The following CDC6 variants were observed in gnomAD, a reference collection of about 807,000 sequenced individuals.
CDC6 encodes the protein cell division cycle 6.
In CDC6, 46 loss-of-function variants were observed where a neutral mutation model predicts 60.2. The observed-to-expected ratio is 0.76, with a 90% CI of 0.60 to 0.98. The LOEUF (loss-of-function observed/expected upper bound fraction) is 0.98. Ranked by LOEUF, CDC6 falls within the 50% of genes least tolerant of loss-of-function variation. The pLI, the probability that CDC6 is intolerant of heterozygous loss-of-function variation, is 0.00. For missense variants in CDC6, 596 were observed against 652.9 expected, an observed-to-expected ratio of 0.91 and a Z score of 0.95; for synonymous variants, 210 against 233.2, an observed-to-expected ratio of 0.90 and a Z score of 0.90.
At chr17:40,295,971 A>G (rs1021533149) in intron 8 of CDC6, among the ~76,000 whole-genome samples, 1 of 152,040 alleles carries the variant, frequency 6.6e-6, no homozygotes, top group African/African-American at 2.4e-5. Context: ...CCTTCCCAGT[A>G]GGGACACTGG....
At chr17:40,289,376 G>T in intron 1 of CDC6, 32 bp from the exon 2 acceptor site, 3 of 1,516,660 alleles carry the variant, frequency 2.0e-6, no homozygotes, top group South Asian at 2.3e-5. Context: ...TTCACATATT[G>T]ACTAGTTGTC....
chr17:40,294,298 CAGA>C (rs1451211861), intron 6 of CDC6, 63 bp from the exon 7 acceptor site: 7 of 1,314,790 alleles, frequency 5.3e-6, no homozygotes, highest in Admixed American at 5.1e-5. Flanking sequence ...ATTTAGCTTT[CAGA>C]AGATTTAGTT....
intron 1 of CDC6, among the ~76,000 whole-genome samples, chr17:40,288,471 T>C (rs1222492460): frequency 6.6e-6 from 1 of 151,946 alleles, no homozygotes; most frequent in African/African-American, 2.4e-5. Flanking sequence ...CAGGCTGTAG[T>C]GCAGTGGTGC....
Position 40,303,540 on chromosome 17 carries a change from CAG to C in CDC6, c.*1546_*1547del, listed in dbSNP as rs1397210956. ...TGGTATGGGATAGAGGCAAGGAAAG[CAG>C]AGAGAGCCCTCTGAAATGAACACTA... On this transcript the variant is annotated 3_prime_UTR_variant, in exon 12 of 12. Coordinates refer to ENST00000209728, the MANE Select transcript of CDC6 (RefSeq NM_001254.4). The C allele has an allele frequency of 6.6e-6, 1 of 152,208 alleles. No homozygotes were observed. Among genetic ancestry groups the C allele is most frequent in the Non-Finnish European group, 1.5e-5 (1 of 68,062 alleles). The allele number at this position is 152,208 out of a possible 1,614,324, so 9.4% of individuals were successfully genotyped here. A position where few individuals can be genotyped will look rare whatever the true frequency, so the allele number is the denominator to read the frequency against.
chr17:40,301,516 G>A lies in CDC6; in HGVS notation c.1501G>A (p.Val501Met). The stretch of plus-strand genomic sequence containing the variant: ...CTGTCGCAAACAGCAGGTGGCGGCT[G>A]TGGACCAGTCAGAGTGTTTGTCACT... ...KVCRKQQVAA[V>M]DQSECLSLSG... is the part of the protein sequence containing the mutation. Residue 501 changes from valine to methionine, a missense_variant, in exon 11 of 12, where the codon GTG (valine) becomes ATG (methionine). Transcript: ENST00000209728. The A allele has an allele frequency of 6.2e-7, 1 of 1,613,932 alleles. No individual in the cohort carries two copies. Among genetic ancestry groups the A allele is most frequent in the Non-Finnish European group, 8.5e-7 (1 of 1,179,774 alleles).
chr17:40,295,970 T>C (rs2032853829), intron 8 of CDC6, among the ~76,000 whole-genome samples: 1 of 152,050 alleles, frequency 6.6e-6, no homozygotes, highest in African/African-American at 2.4e-5. Context: ...TCCTTCCCAG[T>C]AGGGACACTG....
intron 4 of CDC6, among the ~76,000 whole-genome samples, chr17:40,292,860 G>A (rs1196586510): frequency 2.0e-5 from 3 of 151,776 alleles, no homozygotes; most frequent in African/African-American, 7.3e-5. Context: ...GAACCCACAG[G>A]TGGAGCTTGC....
chr17:40,293,585 A>G lies in CDC6; in HGVS notation c.790A>G (p.Met264Val), dbSNP rs587780298. 1.1e-5 allele frequency: 17 copies of G among 1,613,804 alleles called. No homozygotes were observed. The Admixed American group carries it at 2.2e-4, about 21-fold the overall frequency. The change falls in exon 5 of 12, where the codon ATG (methionine) becomes GTG (valine). Residue 264 changes from methionine to valine, a missense_variant. Coordinates refer to ENST00000209728, the MANE Select transcript of CDC6 (RefSeq NM_001254.4). ...EVSRPAGKDMMRKLEKHMTAE... is the reference protein window; with the variant it reads ...EVSRPAGKDMVRKLEKHMTAE... The stretch of plus-strand genomic sequence containing the variant: ...ATCCAGGCCAGCTGGGAAGGACATG[A>G]TGAGGAAATTGGAAAAACATATGAC...
At chr17:40,296,678 T>C (rs750451278) in intron 8 of CDC6, 25 bp from the exon 9 acceptor site, 14 of 1,456,176 alleles carry the variant, frequency 9.6e-6, no homozygotes, top group Non-Finnish European at 1.4e-5. Context: ...TCAGACTAAA[T>C]TAATTTTAGA....
At chr17:40,292,966 C>T (rs2032790252) in intron 4 of CDC6, among the ~76,000 whole-genome samples, 1 of 150,758 alleles carries the variant, frequency 6.6e-6, no homozygotes, top group Admixed American at 6.6e-5. Flanking sequence ...AGGCCTGGTG[C>T]GGTGGCTCAC....
rs2032965889 is a variant in CDC6 at position 40,303,522 on chromosome 17, G to C, written c.*1521G>C. The C allele has an allele frequency of 6.6e-6, 1 of 152,240 alleles. No homozygotes were observed. The highest frequency in any genetic ancestry group is 1.5e-5 in the Non-Finnish European group (1 of 68,070). The allele number at this position is 152,240 out of a possible 1,614,324, so 9.4% of individuals were successfully genotyped here. On this transcript the variant is annotated 3_prime_UTR_variant, in exon 12 of 12. Coordinates refer to ENST00000209728, the MANE Select transcript of CDC6 (RefSeq NM_001254.4). ...GATCTGAGCTACAACAGGTGGTATG[G>C]GATAGAGGCAAGGAAAGCAGAGAGA...
rs758396746 is a variant in CDC6, at chr17:40,295,499, A to G, written c.1184+43A>G. On this transcript the variant is annotated intron_variant, in intron 8 of 11. Coordinates refer to ENST00000209728, the MANE Select transcript of CDC6 (RefSeq NM_001254.4). Reference sequence around the variant, plus strand: ...TGCATTCTTTTATTAAAAAAAAAAAAAAAGAAATGCTGTTAATTGTCTCAT... The same window carrying G: ...TGCATTCTTTTATTAAAAAAAAAAAGAAAGAAATGCTGTTAATTGTCTCAT... 8.4e-6 allele frequency: 11 copies of G among 1,314,462 alleles called. No individual in the cohort carries two copies. The South Asian group carries it at 1.2e-4, about 14-fold the overall frequency. The allele number at this position is 1,314,462 out of a possible 1,614,324, so 81.4% of individuals were successfully genotyped here.
Position 40,291,578 on chromosome 17 carries a change from C to G in CDC6, c.570C>G (p.Ile190Met), listed in dbSNP as rs1237802519. The part of the protein sequence containing the change: ...DVIRNFLREH[I>M]CGKKAGSLYL... ...TCAGGAATTTCTTGAGGGAACACAT[C>G]TGTGGGAAAAAAGCTGGAAGCCTTT... Residue 190 changes from isoleucine (I) to methionine (M), a missense_variant, in exon 4 of 12, where the codon ATC becomes ATG. Ile to Met is a conservative substitution (Grantham distance 10, BLOSUM62 1). Transcript: ENST00000209728. The G allele has an allele frequency of 8.1e-6, 13 of 1,614,082 alleles. No homozygotes were observed. The highest frequency in any genetic ancestry group is 1.0e-5 in the Non-Finnish European group (12 of 1,180,032).
chr17:40,290,917 C>T, intron 2 of CDC6, 141 bp from the exon 3 acceptor site: 1 of 806,514 alleles, frequency 1.2e-6, no homozygotes, highest in Non-Finnish European at 2.1e-6. Context: ...CCAATATTTG[C>T]TGCTAAGTGA....
At chr17:40,300,597 G>T (rs1379595639) in intron 9 of CDC6, among the ~76,000 whole-genome samples, 1 of 152,200 alleles carries the variant, frequency 6.6e-6, no homozygotes, top group East Asian at 1.9e-4. Context: ...TTGGCCCAGA[G>T]AAAGGGTAAC....
At chr17:40,293,277 A>C (rs1309675403) in intron 4 of CDC6, among the ~76,000 whole-genome samples, 179 bp from the exon 5 acceptor site, 1 of 152,172 alleles carries the variant, frequency 6.6e-6, no homozygotes, top group Admixed American at 6.5e-5. Context: ...AAAGAGTAGA[A>C]GTTTAGAAGA....
rs1886637748 is a variant in CDC6 at position 40,289,226 on chromosome 17, G to A, written c.-13-182G>A. ...ACAGCGCCCTTCCACGTAGTAGGTA[G>A]ACAACAAATGTCAGCTGTTCTTGCA... On this transcript the variant is annotated intron_variant, in intron 1 of 11. Transcript: ENST00000209728. 8 of 596,352 alleles carry A rather than the reference G, an allele frequency of 1.3e-5. No individual in the cohort carries two copies. The South Asian group carries it at 1.5e-4, about 11-fold the overall frequency. 36.9% of individuals were successfully genotyped at this position (596,352 alleles called of 1,614,324 possible). A position where few individuals can be genotyped will look rare whatever the true frequency, so the allele number is the denominator to read the frequency against.
chr17:40,290,280 G>A (rs960746228), intron 2 of CDC6, among the ~76,000 whole-genome samples: 3 of 152,222 alleles, frequency 2.0e-5, no homozygotes, highest in Non-Finnish European at 4.4e-5. Context: ...TTAGGACAGT[G>A]ATTGGTAATT....
intron 8 of CDC6, 79 bp from the exon 9 acceptor site, chr17:40,296,624 A>G: frequency 2.5e-6 from 2 of 810,372 alleles, no homozygotes; most frequent in Non-Finnish European, 4.4e-6. Flanking sequence ...ATGGTCATTA[A>G]TGTGCCGCTT....
Sources: allele counts gnomAD v4.1 joint callset (sites outside exome capture counted in the v4.1 genomes callset), GRCh38; gene constraint gnomAD v4.1.1; transcripts MANE v1.5; gene names NCBI Gene and HGNC (gene_info 2026-07-23, HGNC 2026-07-21).